Variants in FAM47A observed in about 807,000 individuals in gnomAD.
The protein encoded by FAM47A is protein FAM47A.
Under a neutral mutation model 2.6 loss-of-function variants are expected in FAM47A, and 1 was observed. The observed-to-expected ratio is 0.39, with a 90% confidence interval of 0.14 to 1.83. The LOEUF (loss-of-function observed/expected upper bound fraction) is 1.83, where lower values mean the gene tolerates loss of function less well. Among genes scored for constraint, FAM47A ranks in the 40% most tolerant of loss-of-function variants. The probability of loss-of-function intolerance (pLI) is 0.32; values close to 1 mark genes in which losing one functional copy is unlikely to be tolerated. For synonymous variants in FAM47A, 278 were observed against 270.1 expected, an observed-to-expected ratio of 1.03 and a Z score of -0.29; for missense variants, 657 against 673.1, an observed-to-expected ratio of 0.98 and a Z score of 0.26.
chrX:34,130,723 GAGCGGAGAC>G lies in FAM47A; in HGVS notation c.1547_1555del (p.Ser516_Ser519delinsThr). 1 of 1,050,936 alleles carries G rather than the reference GAGCGGAGAC, an allele frequency of 9.5e-7. No individual in the cohort carries two copies. The highest frequency in any genetic ancestry group is 1.3e-6 in the Non-Finnish European group (1 of 785,655). The allele number at this position is 1,050,936 out of a possible 1,213,427, so 86.6% of individuals were successfully genotyped here. ...CGTCCGACGAGTCTTGGGAGGCTCC[GAGCGGAGAC>G]TGGACGTCCGACGAGTCTTGGGAGG... is the stretch of plus-strand genomic sequence containing the variant. On this transcript the variant is annotated inframe_deletion, in exon 1 of 1. Transcript: ENST00000346193.
chrX:34,130,742 G>A lies in FAM47A; in HGVS notation c.1537C>T (p.Arg513Trp), dbSNP rs201381225. Residue 513 changes from arginine to tryptophan, a missense_variant, in exon 1 of 1, where the codon CGG becomes TGG. By Grantham distance (101) the Arg-to-Trp change is moderately radical. Around this residue, in one of 3 missense-constraint regions of FAM47A, gnomAD observed 23 missense variants for 55.6 expected, o/e 0.41. Transcript: ENST00000346193. ...SLRSEPPKTRRTSSLRSEPPK... is the reference protein window; with the variant it reads ...SLRSEPPKTRWTSSLRSEPPK... ...GGCTCCGAGCGGAGACTGGACGTCCGACGAGTCTTGGGAGGCTCCGAGCGG... is the reference window on the plus strand; with the variant it reads ...GGCTCCGAGCGGAGACTGGACGTCCAACGAGTCTTGGGAGGCTCCGAGCGG... The A allele has an allele frequency of 4.2e-5, 50 of 1,176,901 alleles. No individual in the cohort carries two copies. The highest frequency in any genetic ancestry group is 6.0e-5 in the East Asian group (2 of 33,481).
rs774370822 is a variant in FAM47A at position 34,130,725 on chromosome X, GCGGAGAC to G, written c.1547_1553del (p.Ser516ThrfsTer63). 5.0e-6 allele frequency: 5 copies of G among 990,503 alleles called. No homozygotes were observed. The highest frequency in any genetic ancestry group is 2.0e-5 in the African/African-American group (1 of 49,684). 81.6% of individuals were successfully genotyped at this position (990,503 alleles called of 1,213,427 possible). On this transcript the variant is annotated frameshift_variant, in exon 1 of 1. Coordinates refer to ENST00000346193, the MANE Select transcript of FAM47A (RefSeq NM_203408.4). LOFTEE classifies it low-confidence loss of function (END_TRUNC). ...TCCGACGAGTCTTGGGAGGCTCCGA[GCGGAGAC>G]TGGACGTCCGACGAGTCTTGGGAGG...
Position 34,131,718 on chromosome X carries a change from G to A in FAM47A, c.561C>T (p.Phe187=). 8.3e-7 allele frequency: 1 copy of A among 1,208,872 alleles called. No individual in the cohort carries two copies. The highest frequency in any genetic ancestry group is 1.1e-6 in the Non-Finnish European group (1 of 894,209). The change falls in exon 1 of 1, where the codon TTC becomes TTT. Residue 187 remains phenylalanine, a synonymous_variant. Transcript: ENST00000346193. ...TEPGKHPCGE[F]CLKPPETPVS... is the part of the protein sequence containing the mutation. The stretch of plus-strand genomic sequence containing the variant: ...CCGGAGTCTCGGGAGGCTTCAGGCA[G>A]AATTCCCCACAGGGATGTTTACCAG...
chrX:34,131,955 A>C lies in FAM47A; in HGVS notation c.324T>G (p.Ser108=), dbSNP rs1922496451. ...ACGCCTTCCGTGCTAGCTGGGCTGG[A>C]GAGAGCTTGGAAAATAGGGCCGCTT... ...LKKAALFSKL[S]PAQLARKAFV... The change falls in exon 1 of 1, where the codon TCT becomes TCG. Residue 108 remains serine, a synonymous_variant. Transcript: ENST00000346193. 1.7e-6 allele frequency: 2 copies of C among 1,211,327 alleles called. No individual in the cohort carries two copies. The highest frequency in any genetic ancestry group is 2.2e-6 in the Non-Finnish European group (2 of 895,365).
rs770160809 is a variant in FAM47A at position 34,130,077 on chromosome X, A to G, written c.2202T>C (p.Tyr734=). ...PDEPDVLDDL[Y]GPIAFKDFIL... ...TGAAATCCTTAAAGGCAATTGGTCC[A>G]TAAAGATCGTCAAGAACGTCAGGTT... is the stretch of plus-strand genomic sequence containing the variant. The change falls in exon 1 of 1, where the codon TAT becomes TAC. Residue 734 remains tyrosine (Y), a synonymous_variant. Coordinates refer to ENST00000346193, the MANE Select transcript of FAM47A (RefSeq NM_203408.4). The G allele has an allele frequency of 4.1e-6, 5 of 1,211,324 alleles. No individual in the cohort carries two copies. Among genetic ancestry groups the G allele is most frequent in the Non-Finnish European group, 5.6e-6 (5 of 895,377 alleles).
rs749910619 is a variant in FAM47A at position 34,131,030 on chromosome X, C to T, written c.1249G>A (p.Asp417Asn). Reference sequence around the variant, plus strand: ...AGGAGATTGGACACCTGACTAGTGTCGGGAGGTTCCAGGCGGAGATGGCAC... The same window carrying T: ...AGGAGATTGGACACCTGACTAGTGTTGGGAGGTTCCAGGCGGAGATGGCAC... Reference protein sequence around the residue: ...GVCHLRLEPPDTSQVSNLLLY... With the variant: ...GVCHLRLEPPNTSQVSNLLLY... Residue 417 changes from aspartate (D) to asparagine (N), a missense_variant, in exon 1 of 1, where the codon GAC (aspartate) becomes AAC (asparagine). By Grantham distance (23) the Asp-to-Asn change is conservative. Coordinates refer to ENST00000346193, the MANE Select transcript of FAM47A (RefSeq NM_203408.4). The T allele has an allele frequency of 7.6e-6, 9 of 1,188,055 alleles. No individual in the cohort carries two copies. Among genetic ancestry groups the T allele is most frequent in the South Asian group, 1.9e-5 (1 of 52,977 alleles).
At position 34,131,700 on chromosome X, in the gene FAM47A, C is replaced by G; in HGVS notation, c.579G>C (p.Glu193Asp). 1 of 1,209,225 alleles carries G rather than the reference C, an allele frequency of 8.3e-7. No homozygotes were observed. The highest frequency in any genetic ancestry group is 3.0e-5 in the East Asian group (1 of 33,740). ...CTGGGAGGAGATGGGACACCGGAGT[C>G]TCGGGAGGCTTCAGGCAGAATTCCC... ...PCGEFCLKPP[E>D]TPVSHLLPEP... The change falls in exon 1 of 1, where the codon GAG becomes GAC. Residue 193 changes from glutamate (E) to aspartate (D), a missense_variant. Around this residue, in one of 3 missense-constraint regions of FAM47A, gnomAD observed 436 missense variants for 414.1 expected, o/e 1.05. Coordinates refer to ENST00000346193, the MANE Select transcript of FAM47A (RefSeq NM_203408.4).
chrX:34,132,269 G>T lies in FAM47A; in HGVS notation c.10C>A (p.Gln4Lys), dbSNP rs1350445332. 1 of 1,163,308 alleles carries T rather than the reference G, an allele frequency of 8.6e-7. No individual in the cohort carries two copies. Residue 4 changes from glutamine (Q) to lysine (K), a missense_variant, in exon 1 of 1, where the codon CAG becomes AAG. Physicochemically the swap from Gln to Lys is moderately conservative, Grantham distance 53 (BLOSUM62 1). Coordinates refer to ENST00000346193, the MANE Select transcript of FAM47A (RefSeq NM_203408.4). ...GACCTCAGCCAGTCCTGCAGCCTCT[G>T]GTCCCCCATGGTGGCCCTCGCTGTG... is the stretch of plus-strand genomic sequence containing the variant. The part of the protein sequence containing the change: MGD[Q>K]RLQDWLRSPG...
Position 34,130,605 on chromosome X carries a change from C to T in FAM47A, c.1674G>A (p.Pro558=), listed in dbSNP as rs372486528. 57 of 1,208,765 alleles carry T rather than the reference C, an allele frequency of 4.7e-5. No individual in the cohort carries two copies. The highest frequency in any genetic ancestry group is 2.8e-4 in the African/African-American group (16 of 56,827). The part of the protein sequence containing the change: ...PKSRRVSSLH[P]EPPKAPESHQ... ...GGGACTCTGGAGCTTTGGGAGGCTC[C>T]GGGTGGAGACTGGACACCCGACGAC... Residue 558 remains proline (P), a synonymous_variant, in exon 1 of 1, where the codon CCG becomes CCA. Transcript: ENST00000346193.
rs1189902776 is a variant in FAM47A, at chrX:34,130,702, C to T, written c.1577G>A (p.Arg526Gln). The change falls in exon 1 of 1, where the codon CGG becomes CAG. Residue 526 changes from arginine to glutamine, a missense_variant. This residue lies in a region of FAM47A where 23 missense variants were observed against 55.6 expected (regional missense o/e 0.41). Coordinates refer to ENST00000346193, the MANE Select transcript of FAM47A (RefSeq NM_203408.4). ...SLRSEPPKTR[R>Q]TSSLGPEPPK... The stretch of plus-strand genomic sequence containing the variant: ...AGGCTCCGGACCGAGACTGGACGTC[C>T]GACGAGTCTTGGGAGGCTCCGAGCG... The T allele has an allele frequency of 1.9e-6, 2 of 1,061,629 alleles. No homozygotes were observed. Among genetic ancestry groups the T allele is most frequent in the East Asian group, 3.0e-5 (1 of 33,466 alleles). The allele number at this position is 1,061,629 out of a possible 1,213,427, so 87.5% of individuals were successfully genotyped here.
rs1922415158 is a variant in FAM47A, at chrX:34,130,416, A to G, written c.1863T>C (p.Asp621=). ...CAAACAGATTCCTGATGGATTCTTC[A>G]TCAGCTCCCAGGTCTCCAGCCCACT... ...FFKWAGDLGA[D]EESIRNLFDF... The change falls in exon 1 of 1, where the codon GAT becomes GAC. Residue 621 remains aspartate, a synonymous_variant. Coordinates refer to ENST00000346193, the MANE Select transcript of FAM47A (RefSeq NM_203408.4). 8.3e-7 allele frequency: 1 copy of G among 1,211,837 alleles called. No individual in the cohort carries two copies. The highest frequency in any genetic ancestry group is 1.1e-6 in the Non-Finnish European group (1 of 895,558).
At position 34,132,077 on chromosome X, in the gene FAM47A, T is replaced by A. The variant is rs182147222; in HGVS notation, c.202A>T (p.Thr68Ser). 509 of 1,206,801 alleles carry A rather than the reference T, an allele frequency of 4.2e-4. 5 individuals carry two copies. In the East Asian group the frequency reaches 0.015, roughly 35 times the overall value. Residue 68 changes from threonine to serine, a missense_variant, in exon 1 of 1, where the codon ACT (threonine) becomes TCT (serine). Coordinates refer to ENST00000346193, the MANE Select transcript of FAM47A (RefSeq NM_203408.4). The part of the protein sequence containing the change: ...FRYGCPSPED[T>S]LVCRRDEFLL... The stretch of plus-strand genomic sequence containing the variant: ...AACTCGTCACGGCGACAAACGAGAG[T>A]ATCTTCGGGAGACGGACAGCCGTAG...
chrX:34,130,897 G>T lies in FAM47A; in HGVS notation c.1382C>A (p.Ser461Tyr). ...KTKEPTEPHKSPCGEPCLQPP... is the reference protein window; with the variant it reads ...KTKEPTEPHKYPCGEPCLQPP... ...CTGCAGGCAGGGTTCCCCACAAGGGGATTTATGAGGCTCGGTGGGTTCCTT... is the reference window on the plus strand; with the variant it reads ...CTGCAGGCAGGGTTCCCCACAAGGGTATTTATGAGGCTCGGTGGGTTCCTT... The change falls in exon 1 of 1, where the codon TCC becomes TAC. Residue 461 changes from serine (S) to tyrosine (Y), a missense_variant. Physicochemically the swap from Ser to Tyr is moderately radical, Grantham distance 144. This residue lies in a region of FAM47A where 436 missense variants were observed against 414.1 expected (regional missense o/e 1.05). Transcript: ENST00000346193. 3.3e-6 allele frequency: 4 copies of T among 1,206,595 alleles called. No individual in the cohort carries two copies. Among genetic ancestry groups the T allele is most frequent in the Non-Finnish European group, 4.5e-6 (4 of 892,186 alleles).
chrX:34,130,408 G>T lies in FAM47A; in HGVS notation c.1871C>A (p.Ser624Tyr), dbSNP rs185182764. The change falls in exon 1 of 1, where the codon TCC becomes TAC. Residue 624 changes from serine (S) to tyrosine (Y), a missense_variant. By Grantham distance (144) the Ser-to-Tyr change is moderately radical. Transcript: ENST00000346193. ...WAGDLGADEE[S>Y]IRNLFDFTPK... ...GGTAAAGTCAAACAGATTCCTGATG[G>T]ATTCTTCATCAGCTCCCAGGTCTCC... is the stretch of plus-strand genomic sequence containing the variant. 6.4e-5 allele frequency: 78 copies of T among 1,209,953 alleles called. No individual in the cohort carries two copies. The East Asian group carries it at 2.3e-3, about 35-fold the overall frequency.
chrX:34,131,608 C>T lies in FAM47A; in HGVS notation c.671G>A (p.Arg224His), dbSNP rs753875155. Residue 224 changes from arginine (R) to histidine (H), a missense_variant, in exon 1 of 1, where the codon CGC becomes CAC. By Grantham distance (29) the Arg-to-His change is conservative. Transcript: ENST00000346193. ...EPPKTPVSSL[R>H]PEPPETGVSH... ...CACTCCAGTCTCAGGAGGCTCCGGGCGGAGACTGGACACCGGAGTCTTGGG... is the reference window on the plus strand; with the variant it reads ...CACTCCAGTCTCAGGAGGCTCCGGGTGGAGACTGGACACCGGAGTCTTGGG... 4.6e-5 allele frequency: 56 copies of T among 1,205,795 alleles called. No individual in the cohort carries two copies. Among genetic ancestry groups the T allele is most frequent in the South Asian group, 1.1e-4 (6 of 56,586 alleles).
Position 34,131,714 on chromosome X carries a change from G to A in FAM47A, c.565C>T (p.Leu189=). ...GACACCGGAGTCTCGGGAGGCTTCA[G>A]GCAGAATTCCCCACAGGGATGTTTA... The part of the protein sequence containing the change: ...PGKHPCGEFC[L]KPPETPVSHL... Residue 189 remains leucine (L), a synonymous_variant, in exon 1 of 1, where the codon CTG becomes TTG. Transcript: ENST00000346193. The A allele has an allele frequency of 8.3e-7, 1 of 1,209,079 alleles. No individual in the cohort carries two copies. Among genetic ancestry groups the A allele is most frequent in the Non-Finnish European group, 1.1e-6 (1 of 894,277 alleles).
Position 34,130,501 on chromosome X carries a change from T to C in FAM47A, c.1778A>G (p.Glu593Gly). ...LLQEDTPSTK[E>G]CVSDSLQYRY... ...ATATTGAAGAGAGTCAGAAACGCAC[T>C]CTTTTGTGCTTGGTGTATCTTCCTG... The change falls in exon 1 of 1, where the codon GAG becomes GGG. Residue 593 changes from glutamate to glycine, a missense_variant. This residue lies in a region of FAM47A where 198 missense variants were observed against 203.4 expected (regional missense o/e 0.97). Coordinates refer to ENST00000346193, the MANE Select transcript of FAM47A (RefSeq NM_203408.4). 1 of 1,211,527 alleles carries C rather than the reference T, an allele frequency of 8.3e-7. No homozygotes were observed. The highest frequency in any genetic ancestry group is 1.1e-6 in the Non-Finnish European group (1 of 895,521).
chrX:34,131,438 C>G lies in FAM47A; in HGVS notation c.841G>C (p.Glu281Gln). Residue 281 changes from glutamate (E) to glutamine (Q), a missense_variant, in exon 1 of 1, where the codon GAG becomes CAG. Coordinates refer to ENST00000346193, the MANE Select transcript of FAM47A (RefSeq NM_203408.4). The stretch of plus-strand genomic sequence containing the variant: ...TCGTCAGTTGTCTTCTCCCGGCCCT[C>G]ACAAGGAGCCCGTGCGTCTTCCAGC... ...RKLEDARAPC[E>Q]GREKTTDEPT... 8.3e-7 allele frequency: 1 copy of G among 1,210,525 alleles called. No homozygotes were observed.
Position 34,130,016 on chromosome X carries a change from G to C in FAM47A, c.2263C>G (p.Gln755Glu). Residue 755 changes from glutamine to glutamate, a missense_variant, in exon 1 of 1, where the codon CAA becomes GAA. Gln to Glu is a conservative substitution (Grantham distance 29, BLOSUM62 2). Coordinates refer to ENST00000346193, the MANE Select transcript of FAM47A (RefSeq NM_203408.4). ...SKGYEMPGIIQRLFARRGWTY... is the reference protein window; with the variant it reads ...SKGYEMPGIIERLFARRGWTY... Reference sequence around the variant, plus strand: ...CATCCCCTCCTGGCAAACAGCCTTTGAATGATGCCAGGCATTTCATAGCCC... The same window carrying C: ...CATCCCCTCCTGGCAAACAGCCTTTCAATGATGCCAGGCATTTCATAGCCC... 8.3e-7 allele frequency: 1 copy of C among 1,211,971 alleles called. No individual in the cohort carries two copies. Among genetic ancestry groups the C allele is most frequent in the Non-Finnish European group, 1.1e-6 (1 of 895,548 alleles).
Sources: gnomAD v4.1 joint callset for allele counts on GRCh38, gnomAD v4.1.1 for gene constraint, gnomAD v4.1.1 regional missense constraint, MANE v1.5 for transcripts, NCBI Gene and HGNC (gene_info 2026-07-23, HGNC 2026-07-21) for gene names.